Variants in DNHD1 observed in about 807,000 individuals in gnomAD.
DNHD1 encodes dynein heavy chain domain-containing protein 1.
Under a neutral mutation model 458.1 loss-of-function variants are expected in DNHD1, and 383 were observed. That is an observed-to-expected ratio of 0.84 (90% CI 0.77 to 0.91). DNHD1 has a LOEUF of 0.91. Among genes scored for constraint, DNHD1 ranks in the 40% least tolerant of loss-of-function variants. DNHD1 has a pLI of 0.00. For missense variants in DNHD1, 5,336 were observed against 5,866.1 expected, an observed-to-expected ratio of 0.91 and a Z score of 2.95; for synonymous variants, 2,203 against 2,376.9, an observed-to-expected ratio of 0.93 and a Z score of 2.13.
chr11:6,530,782 G>A (rs1053195637), intron 12 of DNHD1, among the ~76,000 whole-genome samples: 1 of 152,266 alleles, frequency 6.6e-6, no homozygotes, highest in Admixed American at 6.5e-5. Flanking sequence ...CCGGGAGGAC[G>A]TTTGATTGTT....
intron 24 of DNHD1, among the ~76,000 whole-genome samples, chr11:6,554,926 C>T (rs1853430207): frequency 1.3e-5 from 2 of 152,132 alleles, no homozygotes; most frequent in Non-Finnish European, 2.9e-5. Context: ...ATGAGAACCG[C>T]ATATCCTCAA....
chr11:6,546,183 G>T lies in DNHD1; in HGVS notation c.5244G>T (p.Leu1748Phe). 2 of 1,551,102 alleles carry T rather than the reference G, an allele frequency of 1.3e-6. No homozygotes were observed. Among genetic ancestry groups the T allele is most frequent in the South Asian group, 2.4e-5 (2 of 83,942 alleles). ...LEKVHQLPPG[L>F]LSALGQRLGE... ...AAGTTCATCAGCTGCCCCCTGGCTT[G>T]CTCTCTGCCCTGGGCCAGCGCCTGG... Residue 1748 changes from leucine to phenylalanine, a missense_variant, in exon 21 of 43, where the codon TTG becomes TTT. By Grantham distance (22) the Leu-to-Phe change is conservative. This residue lies in a region of DNHD1 where 3,932 missense variants were observed against 4,365.6 expected (regional missense o/e 0.90). Transcript: ENST00000254579.
Position 6,566,965 on chromosome 11 carries a change from T to G in DNHD1, c.11456T>G (p.Ile3819Arg). Reference sequence around the variant, plus strand: ...AAGCCAGCCAAGTTTCTGCGGAACATAGTGAGGGCCCAAGGAAAGCTATGC... The same window carrying G: ...AAGCCAGCCAAGTTTCTGCGGAACAGAGTGAGGGCCCAAGGAAAGCTATGC... ...RQKPAKFLRN[I>R]VRAQGKLCQL... is the part of the protein sequence containing the mutation. Residue 3819 changes from isoleucine to arginine, a missense_variant, in exon 36 of 43, where the codon ATA (isoleucine) becomes AGA (arginine). Physicochemically the swap from Ile to Arg is moderately conservative, Grantham distance 97. Transcript: ENST00000254579. 1 of 1,613,868 alleles carries G rather than the reference T, an allele frequency of 6.2e-7. No individual in the cohort carries two copies. The highest frequency in any genetic ancestry group is 8.5e-7 in the Non-Finnish European group (1 of 1,179,848).
intron 7 of DNHD1, among the ~76,000 whole-genome samples, chr11:6,511,677 A>C (rs1237417624): frequency 6.6e-6 from 1 of 152,204 alleles, no homozygotes; most frequent in African/African-American, 2.4e-5. Context: ...AGGGAGGAGA[A>C]GGAATGTATC....
intron 7 of DNHD1, among the ~76,000 whole-genome samples, 194 bp from the exon 8 acceptor site, chr11:6,519,406 C>G (rs1852555865): frequency 6.6e-6 from 1 of 152,146 alleles, no homozygotes; most frequent in Admixed American, 6.5e-5. Context: ...TATATGTTCT[C>G]TATTTCACAT....
In DNHD1 at chr11:6,558,272, A is replaced by C; in HGVS notation, c.8977A>C (p.Ile2993Leu). 2 of 1,551,438 alleles carry C rather than the reference A, an allele frequency of 1.3e-6. No individual in the cohort carries two copies. The highest frequency in any genetic ancestry group is 1.7e-6 in the Non-Finnish European group (2 of 1,146,868). ...PRENLGVKQN[I>L]KKEMVLQRFH... ...GGAGAACCTTGGTGTCAAACAGAAC[A>C]TCAAGAAGGAAATGGTGTTGCAGAG... Residue 2993 changes from isoleucine (I) to leucine (L), a missense_variant, in exon 25 of 43, where the codon ATC becomes CTC. Ile to Leu is a conservative substitution (Grantham distance 5). Coordinates refer to ENST00000254579, the MANE Select transcript of DNHD1 (RefSeq NM_144666.3).
At chr11:6,529,951 C>T (rs561043506) in intron 12 of DNHD1, among the ~76,000 whole-genome samples, 1 of 152,288 alleles carries the variant, frequency 6.6e-6, no homozygotes, top group East Asian at 1.9e-4. Flanking sequence ...AGGCTGGCTA[C>T]CCCCATGGCT....
At chr11:6,521,004 TTACAAATTA>T in intron 10 of DNHD1, 1 of 368,936 alleles carries the variant, frequency 2.7e-6, no homozygotes, top group African/African-American at 2.2e-5. Flanking sequence ...CCTGTGTCTT[TTACAAATTA>T]TACACCAGTT....
At chr11:6,521,802 A>C (rs1374218537) in intron 10 of DNHD1, among the ~76,000 whole-genome samples, 1 of 152,164 alleles carries the variant, frequency 6.6e-6, no homozygotes, top group African/African-American at 2.4e-5. Context: ...GTGCAGCCTC[A>C]ACCTCCTGGG....
intron 17 of DNHD1, among the ~76,000 whole-genome samples, chr11:6,539,673 T>G (rs1359414077): frequency 1.3e-5 from 2 of 152,172 alleles, no homozygotes; most frequent in South Asian, 2.1e-4. Flanking sequence ...TCCAAAGCAG[T>G]GGCCCTGGGG....
At position 6,547,501 on chromosome 11, in the gene DNHD1, G is replaced by T; in HGVS notation, c.6562G>T (p.Ala2188Ser). ...CCACATGGCTGAGGTTCTGGTGCCT[G>T]CAACATTGCGATTCCTCACCTGCCA... Reference protein sequence around the residue: ...LNHMAEVLVPATLRFLTCQGV... With the variant: ...LNHMAEVLVPSTLRFLTCQGV... Residue 2188 changes from alanine (A) to serine (S), a missense_variant, in exon 21 of 43, where the codon GCA becomes TCA. Ala to Ser is a moderately conservative substitution (Grantham distance 99). Transcript: ENST00000254579. 6.4e-7 allele frequency: 1 copy of T among 1,550,982 alleles called. No homozygotes were observed. Among genetic ancestry groups the T allele is most frequent in the Non-Finnish European group, 8.7e-7 (1 of 1,146,338 alleles).
At chr11:6,566,077 T>C in intron 33 of DNHD1, 86 bp downstream of exon 33, 1 of 1,382,346 alleles carries the variant, frequency 7.2e-7, no homozygotes, top group Non-Finnish European at 9.6e-7. Context: ...TCAGTCTAAC[T>C]TCAGTTCCCA....
Position 6,498,047 on chromosome 11 carries a change from C to G in DNHD1, c.-169C>G, listed in dbSNP as rs1252441629. 3.4e-6 allele frequency: 3 copies of G among 870,478 alleles called. No individual in the cohort carries two copies. Among genetic ancestry groups the G allele is most frequent in the Non-Finnish European group, 5.4e-6 (3 of 553,212 alleles). 53.9% of individuals were successfully genotyped at this position (870,478 alleles called of 1,614,324 possible). ...GTCCCAGGTCCTTTCTTCCTCCTAA[C>G]CCCATTGACTCTGACCATCCCCTGC... On this transcript the variant is annotated 5_prime_UTR_variant, in exon 3 of 43. Coordinates refer to ENST00000254579, the MANE Select transcript of DNHD1 (RefSeq NM_144666.3).
In DNHD1 at chr11:6,498,332, G is replaced by A. The variant is rs774685728; in HGVS notation, c.117G>A (p.Gln39=). The A allele has an allele frequency of 6.2e-7, 1 of 1,614,246 alleles. No homozygotes were observed. Among genetic ancestry groups the A allele is most frequent in the Admixed American group, 1.7e-5 (1 of 60,030 alleles). ...LDSKEQPLAC[Q]QKQRQFVKPV... ...GCAAAGAACAGCCCTTGGCCTGCCA[G>A]CAGAAACAGAGGCAGTTCGTGAAGC... is the stretch of plus-strand genomic sequence containing the variant. The change falls in exon 3 of 43, where the codon CAG becomes CAA. Residue 39 remains glutamine, a synonymous_variant. Transcript: ENST00000254579.
In DNHD1 at chr11:6,568,128, C is replaced by T. The variant is rs952566019; in HGVS notation, c.12424C>T (p.Leu4142=). The part of the protein sequence containing the change: ...WDPVSVVVST[L]SQAMYEGHWL... The stretch of plus-strand genomic sequence containing the variant: ...CCCAGTCTCAGTTGTGGTCAGCACT[C>T]TATCCCAGGCTATGTATGAGGGGCA... The change falls in exon 37 of 43, where the codon CTA becomes TTA. Residue 4142 remains leucine, a synonymous_variant. Transcript: ENST00000254579. 19 of 1,562,794 alleles carry T rather than the reference C, an allele frequency of 1.2e-5. No homozygotes were observed. The highest frequency in any genetic ancestry group is 1.9e-5 in the Admixed American group (1 of 52,654).
chr11:6,509,117 A>G (rs59666671), intron 5 of DNHD1, 34 bp downstream of exon 5: 44,690 of 1,613,982 alleles, frequency 0.028, 2,201 homozygotes, highest in African/African-American at 0.22. Flanking sequence ...TTGGGGGGAA[A>G]TGGATGACAG....
Position 6,564,783 on chromosome 11 carries a change from C to T in DNHD1, c.10735C>T (p.Pro3579Ser), listed in dbSNP as rs1853661779. The change falls in exon 32 of 43, where the codon CCA becomes TCA. Residue 3579 changes from proline (P) to serine (S), a missense_variant. Pro to Ser is a moderately conservative substitution (Grantham distance 74, BLOSUM62 -1). Coordinates refer to ENST00000254579, the MANE Select transcript of DNHD1 (RefSeq NM_144666.3). ...LPLEENRSFA[P>S]ALTEGRGKGL... is the part of the protein sequence containing the mutation. ...TCTGGAAGAGAATCGATCTTTTGCGCCAGCCCTCACTGAGGGTAGAGGTAA... is the reference window on the plus strand; with the variant it reads ...TCTGGAAGAGAATCGATCTTTTGCGTCAGCCCTCACTGAGGGTAGAGGTAA... 2 of 1,532,472 alleles carry T rather than the reference C, an allele frequency of 1.3e-6. No homozygotes were observed. The highest frequency in any genetic ancestry group is 2.8e-5 in the African/African-American group (2 of 72,620). The allele number at this position is 1,532,472 out of a possible 1,614,324, so 94.9% of individuals were successfully genotyped here. A position where few individuals can be genotyped will look rare whatever the true frequency, so the allele number is the denominator to read the frequency against.
Position 6,547,476 on chromosome 11 carries a change from C to T in DNHD1, c.6537C>T (p.Asn2179=). The T allele has an allele frequency of 6.4e-7, 1 of 1,550,968 alleles. No individual in the cohort carries two copies. Among genetic ancestry groups the T allele is most frequent in the Non-Finnish European group, 8.7e-7 (1 of 1,146,328 alleles). ...AGCACCGGACAGTCGCTGAGCTCAA[C>T]CACATGGCTGAGGTTCTGGTGCCTG... ...RLQHRTVAEL[N]HMAEVLVPAT... Residue 2179 remains asparagine, a synonymous_variant, in exon 21 of 43, where the codon AAC becomes AAT. Transcript: ENST00000254579.
Position 6,509,246 on chromosome 11 carries a change from T to A in DNHD1, c.1209T>A (p.Phe403Leu), listed in dbSNP as rs11040904. The A allele has an allele frequency of 6.2e-7, 1 of 1,614,216 alleles. No homozygotes were observed. Among genetic ancestry groups the A allele is most frequent in the Non-Finnish European group, 8.5e-7 (1 of 1,180,032 alleles). ...ENHLLLAVPH[F>L]GAGLLHISRL... The stretch of plus-strand genomic sequence containing the variant: ...ATCTGCTCTTGGCTGTGCCCCACTT[T>A]GGAGCTGGGCTACTCCATATTAGCA... Residue 403 changes from phenylalanine to leucine, a missense_variant, in exon 6 of 43, where the codon TTT becomes TTA. Coordinates refer to ENST00000254579, the MANE Select transcript of DNHD1 (RefSeq NM_144666.3).
Sources: gnomAD v4.1 joint callset for allele counts (sites outside exome capture counted in the v4.1 genomes callset) on GRCh38, gnomAD v4.1.1 for gene constraint, gnomAD v4.1.1 regional missense constraint, MANE v1.5 for transcripts, NCBI Gene and HGNC (gene_info 2026-07-23, HGNC 2026-07-21) for gene names.